RNF150: variants seen among roughly 807,000 people sequenced by gnomAD.
RNF150 encodes ring finger protein 150.
RNF150 carries 24 observed loss-of-function variants against 39.3 expected under a neutral mutation model. The ratio of observed to expected loss-of-function variants is 0.61; its 90% confidence interval spans 0.44 to 0.86. The LOEUF is 0.86. Ranked by LOEUF, RNF150 falls within the 40% of genes least tolerant of loss-of-function variation. RNF150 has a pLI of 0.00. For missense variants in RNF150, 502 were observed against 587.8 expected (o/e 0.85, Z 1.51); for synonymous variants, 255 against 227.3 (o/e 1.12, Z -1.10).
intron 6 of RNF150, among the ~76,000 whole-genome samples, chr4:140,901,330 C>T (rs1357859330): frequency 2.6e-5 from 4 of 152,134 alleles, no homozygotes; most frequent in Admixed American, 2.6e-4. Flanking sequence ...TCCATTTCTA[C>T]AAGGCATTAG....
At chr4:141,205,121 A>G (rs1728353566) in intron 1 of RNF150, among the ~76,000 whole-genome samples, 1 of 152,176 alleles carries the variant, frequency 6.6e-6, no homozygotes. Flanking sequence ...ATGTGTTTTC[A>G]CCAATAACTA....
chr4:140,944,530 C>T (rs772661215), intron 4 of RNF150: 5 of 151,992 alleles, frequency 3.3e-5, no homozygotes, highest in Non-Finnish European at 5.9e-5. Flanking sequence ...GTAATCACTA[C>T]AACAAATAAA....
chr4:141,188,300 T>C (rs992981481), intron 1 of RNF150, among the ~76,000 whole-genome samples: 1 of 152,198 alleles, frequency 6.6e-6, no homozygotes, highest in Non-Finnish European at 1.5e-5. Context: ...CGTTTCAAGC[T>C]TGGTGAATCT....
At chr4:140,966,573 T>C (rs911474168) in intron 2 of RNF150, among the ~76,000 whole-genome samples, 1 of 152,116 alleles carries the variant, frequency 6.6e-6, no homozygotes, top group African/African-American at 2.4e-5. Context: ...ACCAAAAATA[T>C]TCACTTTTTC....
In RNF150 at chr4:140,864,202, G is replaced by C. The variant is rs1025224047; in HGVS notation, c.*4059C>G. The C allele has an allele frequency of 6.6e-6, 1 of 152,214 alleles. No individual in the cohort carries two copies. The highest frequency in any genetic ancestry group is 1.5e-5 in the Non-Finnish European group (1 of 68,066). The allele number at this position is 152,214 out of a possible 1,614,324, so 9.4% of individuals were successfully genotyped here. On this transcript the variant is annotated 3_prime_UTR_variant, in exon 7 of 7. Coordinates refer to ENST00000515673, the MANE Select transcript of RNF150 (RefSeq NM_020724.2). ...TCATTACCATGTGATGTCAAAAATG[G>C]GTAGGTACCTTTGCCGCTTTTAATT... is the stretch of plus-strand genomic sequence containing the variant.
chr4:141,069,827 G>T (rs1309903355), intron 1 of RNF150, among the ~76,000 whole-genome samples: 1 of 152,120 alleles, frequency 6.6e-6, no homozygotes, highest in Non-Finnish European at 1.5e-5. Context: ...ATTTCTTCTA[G>T]ATTTTCTAGT....
In RNF150 at chr4:140,992,428, G is replaced by GA. The variant is rs531920644; in HGVS notation, c.485-24556dup. Among the ~76,000 whole-genome samples the GA allele has an allele frequency of 4.7e-3, 709 of 151,760 alleles. 6 individuals are homozygous for GA. Among genetic ancestry groups the GA allele is most frequent in the African/African-American group, 0.016 (672 of 41,424 alleles). The stretch of plus-strand genomic sequence containing the variant: ...AAAAAAGAGTTAACCAGGGAATGGG[G>GA]AAAAAAAAGGAATAAAACAGAATGT... On this transcript the variant is annotated intron_variant, in intron 1 of 6. Coordinates refer to ENST00000515673, the MANE Select transcript of RNF150 (RefSeq NM_020724.2).
chr4:140,959,659 G>A (rs139816961), intron 2 of RNF150, among the ~76,000 whole-genome samples: 23 of 152,232 alleles, frequency 1.5e-4, no homozygotes, highest in African/African-American at 4.3e-4. Context: ...CCTCGAACAG[G>A]GAAGCAATGG....
At chr4:140,917,045 C>T (rs1315890100) in intron 5 of RNF150, among the ~76,000 whole-genome samples, 3 of 152,108 alleles carry the variant, frequency 2.0e-5, no homozygotes, top group South Asian at 2.1e-4. Context: ...GAAGGAAGCA[C>T]TAAACATGGA....
intron 1 of RNF150, among the ~76,000 whole-genome samples, chr4:141,160,299 G>C (rs187041846): frequency 1.1e-3 from 174 of 152,346 alleles, no homozygotes; most frequent in Non-Finnish European, 2.0e-3. Context: ...TGGAAAGGAA[G>C]TCTGTAGGAA....
intron 3 of RNF150, 39 bp from the exon 4 acceptor site, chr4:140,947,775 C>T: frequency 7.2e-7 from 1 of 1,380,718 alleles, no homozygotes; most frequent in Admixed American, 2.1e-5. Flanking sequence ...ATTTTCTTAG[C>T]TTCATCTCTT....
chr4:141,203,514 T>C (rs541330970), intron 1 of RNF150, among the ~76,000 whole-genome samples: 2 of 152,052 alleles, frequency 1.3e-5, no homozygotes, highest in East Asian at 3.9e-4. Flanking sequence ...TGGTCACCAT[T>C]TCCTCCTCCT....
chr4:141,098,594 C>T (rs530867209), intron 1 of RNF150, among the ~76,000 whole-genome samples: 10 of 152,366 alleles, frequency 6.6e-5, no homozygotes, highest in African/African-American at 2.4e-4. Context: ...CACTTGGAAT[C>T]CCATGATCTC....
chr4:140,958,903 C>T (rs1335832468), intron 2 of RNF150, among the ~76,000 whole-genome samples: 4 of 152,074 alleles, frequency 2.6e-5, no homozygotes, highest in African/African-American at 9.7e-5. Flanking sequence ...ATTATAGGGC[C>T]TTTCTTTCTT....
chr4:141,101,115 A>G (rs1292765457), intron 1 of RNF150, among the ~76,000 whole-genome samples: 1 of 152,194 alleles, frequency 6.6e-6, no homozygotes, highest in Non-Finnish European at 1.5e-5. Context: ...AGGCTACACT[A>G]AATTTATTTT....
intron 1 of RNF150, among the ~76,000 whole-genome samples, chr4:141,083,316 C>T (rs1252045029): frequency 6.6e-6 from 1 of 152,212 alleles, no homozygotes; most frequent in East Asian, 1.9e-4. Context: ...AAAACATCAT[C>T]AATAACCATA....
intron 4 of RNF150, among the ~76,000 whole-genome samples, chr4:140,929,528 A>G (rs879890168): frequency 1.3e-5 from 2 of 151,570 alleles, no homozygotes; most frequent in Non-Finnish European, 2.9e-5. Context: ...CACCACGCCC[A>G]GCTAATTTTC....
chr4:141,187,177 C>T (rs113623429), intron 1 of RNF150, among the ~76,000 whole-genome samples: 315 of 152,302 alleles, frequency 2.1e-3, no homozygotes, highest in African/African-American at 7.1e-3. Context: ...GAGTGAGTGT[C>T]TTACTCCTGA....
At position 140,864,436 on chromosome 4, in the gene RNF150, T is replaced by C. The variant is rs994600364; in HGVS notation, c.*3825A>G. On this transcript the variant is annotated 3_prime_UTR_variant, in exon 7 of 7. Coordinates refer to ENST00000515673, the MANE Select transcript of RNF150 (RefSeq NM_020724.2). ...GAGTGAATGCAAATGCTCCTTTTCT[T>C]CCCCATAGCATTGGGGTGGCAGGTG... 4 of 152,228 alleles carry C rather than the reference T, an allele frequency of 2.6e-5. No homozygotes were observed. The highest frequency in any genetic ancestry group is 4.4e-5 in the Non-Finnish European group (3 of 68,084). 9.4% of individuals were successfully genotyped at this position (152,228 alleles called of 1,614,324 possible). A position where few individuals can be genotyped will look rare whatever the true frequency, so the allele number is the denominator to read the frequency against.
Sources: gnomAD v4.1 joint callset for allele counts (sites outside exome capture counted in the v4.1 genomes callset) on GRCh38, gnomAD v4.1.1 for gene constraint, MANE v1.5 for transcripts, NCBI Gene and HGNC (gene_info 2026-07-23, HGNC 2026-07-21) for gene names.